The following RUVBL2 variants were observed in gnomAD, a reference collection of about 807,000 sequenced individuals.
RUVBL2 encodes ruvB-like 2.
A neutral mutation model predicts 57.9 loss-of-function variants in RUVBL2; 9 were observed. The ratio of observed to expected loss-of-function variants is 0.16; its 90% CI spans 0.09 to 0.27. The LOEUF (loss-of-function observed/expected upper bound fraction) is 0.27, where lower values mean the gene tolerates loss of function less well. RUVBL2 is among the 10% of genes least tolerant of loss of function. The pLI is 1.00. For missense variants in RUVBL2, 456 were observed against 669.6 expected (o/e 0.68, Z 3.52); for synonymous variants, 278 against 264.6 (o/e 1.05, Z -0.49).
At chr19:48,999,794 G>A (rs555882501) in intron 2 of RUVBL2, among the ~76,000 whole-genome samples, 3 of 152,284 alleles carry the variant, frequency 2.0e-5, no homozygotes, top group African/African-American at 4.8e-5. Context: ...TTGAATGCAC[G>A]AGTTTGCGTC....
At position 49,010,618 on chromosome 19, in the gene RUVBL2, C is replaced by T; in HGVS notation, c.787+7C>T. 1 of 1,613,354 alleles carries T rather than the reference C, an allele frequency of 6.2e-7. No individual in the cohort carries two copies. Among genetic ancestry groups the T allele is most frequent in the Non-Finnish European group, 8.5e-7 (1 of 1,179,844 alleles). On this transcript the variant is annotated splice_region_variant and intron_variant, in intron 9 of 14. Transcript: ENST00000595090. ...TTCCTGGCGCTCTTCTCAGGTGAGGCCCCTCCTGCCCTGCCCTGCCCTGCC... is the reference window on the plus strand; with the variant it reads ...TTCCTGGCGCTCTTCTCAGGTGAGGTCCCTCCTGCCCTGCCCTGCCCTGCC...
At chr19:49,002,585 C>T (rs2039205643) in intron 2 of RUVBL2, among the ~76,000 whole-genome samples, 1 of 150,770 alleles carries the variant, frequency 6.6e-6, no homozygotes, top group Non-Finnish European at 1.5e-5. Context: ...GCTCTTGTTT[C>T]ATTTTATTTT....
Position 49,010,481 on chromosome 19 carries a change from C to CCCCAACACCCA in RUVBL2, c.664-5_664-4insCAACACCCACC. 1.2e-6 allele frequency: 2 copies of CCCCAACACCCA among 1,602,844 alleles called. No homozygotes were observed. Among genetic ancestry groups the CCCCAACACCCA allele is most frequent in the Non-Finnish European group, 1.7e-6 (2 of 1,171,066 alleles). ...TCCGCCGTTCTTCCCCCACCCCCGC[C>CCCCAACACCCA]CCATAGACCAAGTTCGTGCAGTGCC... is the stretch of plus-strand genomic sequence containing the variant. On this transcript the variant is annotated splice_polypyrimidine_tract_variant and splice_region_variant and intron_variant, in intron 8 of 14. Transcript: ENST00000595090.
chr19:49,012,975 T>C (rs1449966385), intron 11 of RUVBL2, among the ~76,000 whole-genome samples: 1 of 150,916 alleles, frequency 6.6e-6, no homozygotes, highest in Non-Finnish European at 1.5e-5. Flanking sequence ...AATTTCTGTT[T>C]TTGTTTTGAG....
intron 4 of RUVBL2, among the ~76,000 whole-genome samples, chr19:49,005,009 G>T (rs760060730): frequency 6.6e-6 from 1 of 151,478 alleles, no homozygotes; most frequent in Non-Finnish European, 1.5e-5. Context: ...GAGGGTTCTA[G>T]AACTAAGGAA....
chr19:49,009,357 G>C (rs942602416), intron 6 of RUVBL2, among the ~76,000 whole-genome samples: 56 of 147,606 alleles, frequency 3.8e-4, no homozygotes, highest in Non-Finnish European at 7.6e-4. Context: ...CGTGGTGGCG[G>C]GCGCCTGTAG....
At chr19:48,997,347 G>A (rs973525922) in intron 1 of RUVBL2, among the ~76,000 whole-genome samples, 2 of 152,044 alleles carry the variant, frequency 1.3e-5, no homozygotes, top group African/African-American at 4.8e-5. Flanking sequence ...TTCCTGGCCG[G>A]GCGCGGTGGC....
At position 49,015,924 on chromosome 19, in the gene RUVBL2, G is replaced by A. The variant is rs533700885; in HGVS notation, c.*82G>A. On this transcript the variant is annotated 3_prime_UTR_variant, in exon 15 of 15. Transcript: ENST00000595090. ...CTCTGTATAAAATGGTTGGGAAGCT[G>A]CACCCACCCTGTGTATGTGTGGTTG... 2 of 1,614,034 alleles carry A rather than the reference G, an allele frequency of 1.2e-6. No homozygotes were observed. Among genetic ancestry groups the A allele is most frequent in the Non-Finnish European group, 1.7e-6 (2 of 1,179,894 alleles).
At chr19:48,995,221 G>A (rs1466669085) in intron 1 of RUVBL2, among the ~76,000 whole-genome samples, 1 of 151,916 alleles carries the variant, frequency 6.6e-6, no homozygotes, top group African/African-American at 2.4e-5. Context: ...CGGGCAGCAA[G>A]GTTTTGGAGA....
intron 12 of RUVBL2, 110 bp from the exon 13 acceptor site, chr19:49,014,911 A>G: frequency 7.2e-7 from 1 of 1,389,614 alleles, no homozygotes. Flanking sequence ...TCTAAGATGC[A>G]GGCGCCACAT....
intron 12 of RUVBL2, 123 bp from the exon 13 acceptor site, chr19:49,014,898 G>A: frequency 3.7e-6 from 5 of 1,343,468 alleles, no homozygotes; most frequent in Non-Finnish European, 5.0e-6. Context: ...AGCATTCTAT[G>A]GTTCTAAGAT....
At chr19:48,993,675 C>CA, upstream of RUVBL2, 1 of 604,230 alleles carries the variant, frequency 1.7e-6, no homozygotes, top group Non-Finnish European at 2.9e-6. Context: ...TGGGGCTGAG[C>CA]AAAAGGAGGA....
intron 4 of RUVBL2, 90 bp downstream of exon 4, chr19:49,004,508 A>G: frequency 7.6e-7 from 1 of 1,310,824 alleles, no homozygotes; most frequent in East Asian, 2.3e-5. Flanking sequence ...CGCCTTTAAC[A>G]GATGACCCAA....
At chr19:49,003,940 C>A (rs2039232208) in intron 3 of RUVBL2, among the ~76,000 whole-genome samples, 1 of 151,336 alleles carries the variant, frequency 6.6e-6, no homozygotes, top group East Asian at 1.9e-4. Flanking sequence ...CATAGTGACA[C>A]CTCCTTTCTA....
chr19:49,006,261 G>T (rs1482720537), intron 4 of RUVBL2, among the ~76,000 whole-genome samples: 1 of 152,256 alleles, frequency 6.6e-6, no homozygotes, highest in African/African-American at 2.4e-5. Context: ...GTCTGAAAGG[G>T]CGTGCCCCAC....
chr19:49,008,647 C>T (rs763997124), intron 6 of RUVBL2, among the ~76,000 whole-genome samples: 6 of 151,736 alleles, frequency 4.0e-5, no homozygotes, highest in East Asian at 2.0e-4. Flanking sequence ...GAGTTCGAAA[C>T]GAGCCTGACT....
At chr19:49,014,358 C>T (rs1396703846) in intron 11 of RUVBL2, 126 bp from the exon 12 acceptor site, 10 of 1,140,016 alleles carry the variant, frequency 8.8e-6, no homozygotes, top group Admixed American at 4.5e-5. Context: ...ACAGGAGACG[C>T]GAGCTAAAGG....
At chr19:49,000,272 G>T (rs2039152223) in intron 2 of RUVBL2, among the ~76,000 whole-genome samples, 2 of 152,244 alleles carry the variant, frequency 1.3e-5, no homozygotes, top group African/African-American at 4.8e-5. Context: ...AAGTGCTGGG[G>T]CACTGGGTGC....
At chr19:49,002,130 C>T (rs1312782642) in intron 2 of RUVBL2, among the ~76,000 whole-genome samples, 1 of 151,696 alleles carries the variant, frequency 6.6e-6, no homozygotes, top group Non-Finnish European at 1.5e-5. Context: ...TTCACTGCAA[C>T]CTCCACCTCC....
Sources: allele counts gnomAD v4.1 joint callset (sites outside exome capture counted in the v4.1 genomes callset), GRCh38; gene constraint gnomAD v4.1.1; transcripts MANE v1.5; gene names NCBI Gene and HGNC (gene_info 2026-07-23, HGNC 2026-07-21).